The following GKAP1 variants were observed in gnomAD, a reference collection of about 807,000 sequenced individuals.
The protein encoded by GKAP1 is G kinase anchoring protein 1, also known as G kinase-anchoring protein 1.
GKAP1 carries 31 observed loss-of-function variants against 56.7 expected under a neutral mutation model. The observed-to-expected ratio is 0.55, with a 90% CI of 0.41 to 0.74. The LOEUF (loss-of-function observed/expected upper bound fraction) is 0.74. GKAP1 is among the 30% of genes least tolerant of loss of function. The pLI is 0.00. For synonymous variants in GKAP1, 151 were observed against 138.6 expected, an observed-to-expected ratio of 1.09 and a Z score of -0.63; for missense variants, 364 against 402.3, an observed-to-expected ratio of 0.90 and a Z score of 0.82.
At chr9:83,790,146 A>G (rs1191714699) in intron 4 of GKAP1, among the ~76,000 whole-genome samples, 1 of 152,226 alleles carries the variant, frequency 6.6e-6, no homozygotes, top group Non-Finnish European at 1.5e-5. Flanking sequence ...AGAGAGGAAA[A>G]AAAGATTAAG....
At chr9:83,772,492 A>C (rs1052572524) in intron 7 of GKAP1, among the ~76,000 whole-genome samples, 3 of 152,226 alleles carry the variant, frequency 2.0e-5, no homozygotes, top group African/African-American at 7.2e-5. Flanking sequence ...TGTGTTAGGC[A>C]AAGATTTATT....
chr9:83,793,324 A>C lies in GKAP1; in HGVS notation c.361-4646T>G, dbSNP rs142757053. Among the ~76,000 whole-genome samples, 471 of 152,332 alleles carry C rather than the reference A, an allele frequency of 3.1e-3. 8 individuals carry two copies. The highest frequency in any genetic ancestry group is 0.011 in the African/African-American group (449 of 41,586). ...CAGCCAACTGATTGGACTTAATAGCAGTGGTGCATAGTGGTCCCCTAACCC... is the reference window on the plus strand; with the variant it reads ...CAGCCAACTGATTGGACTTAATAGCCGTGGTGCATAGTGGTCCCCTAACCC... On this transcript the variant is annotated intron_variant, in intron 4 of 12. Coordinates refer to ENST00000376371, the MANE Select transcript of GKAP1 (RefSeq NM_025211.4).
At chr9:83,744,610 TTTTTCATGTGTCACTG>T (rs1943260739) in intron 10 of GKAP1, among the ~76,000 whole-genome samples, 1 of 152,254 alleles carries the variant, frequency 6.6e-6, no homozygotes, top group African/African-American at 2.4e-5. Flanking sequence ...TTCCCATCTT[TTTTTCATGTGTCACTG>T]ACAACGATTT....
chr9:83,745,075 T>G (rs1233775502), intron 10 of GKAP1, among the ~76,000 whole-genome samples: 1 of 152,166 alleles, frequency 6.6e-6, no homozygotes, highest in African/African-American at 2.4e-5. Flanking sequence ...TCTCACTCTG[T>G]TGCCCAGGCT....
Position 83,808,898 on chromosome 9 carries a change from T to A in GKAP1, c.-43-2338A>T, listed in dbSNP as rs1159263535. On this transcript the variant is annotated intron_variant, in intron 2 of 12. Coordinates refer to ENST00000376371, the MANE Select transcript of GKAP1 (RefSeq NM_025211.4). The stretch of plus-strand genomic sequence containing the variant: ...TTCAACATGTTCTCTTTTCCCTGCT[T>A]CTGCGATTGCAGAAGCATATAGTGA... Among the ~76,000 whole-genome samples, 4 of 152,238 alleles carry A rather than the reference T, an allele frequency of 2.6e-5. No homozygotes were observed. The East Asian group carries it at 7.7e-4, about 29-fold the overall frequency.
intron 3 of GKAP1, among the ~76,000 whole-genome samples, 185 bp downstream of exon 3, chr9:83,806,117 A>C (rs76181628): frequency 7.1e-6 from 1 of 141,152 alleles, no homozygotes; most frequent in African/African-American, 2.7e-5. Context: ...ACCCTGTCTC[A>C]AAAAAAAAAA....
chr9:83,800,826 G>A (rs969035134), intron 3 of GKAP1, among the ~76,000 whole-genome samples: 7 of 152,178 alleles, frequency 4.6e-5, no homozygotes, highest in Non-Finnish European at 7.3e-5. Context: ...CAGTCCAGCT[G>A]TTTCTGTACC....
intron 7 of GKAP1, among the ~76,000 whole-genome samples, chr9:83,779,513 A>G (rs1943926310): frequency 7.3e-6 from 1 of 137,870 alleles, no homozygotes; most frequent in Non-Finnish European, 1.6e-5. Flanking sequence ...ATATATGTGT[A>G]TATATATACA....
chr9:83,815,833 T>C (rs535316177), intron 2 of GKAP1, among the ~76,000 whole-genome samples: 1 of 152,130 alleles, frequency 6.6e-6, no homozygotes, highest in Admixed American at 6.5e-5. Context: ...AAAAATTGTG[T>C]TATTTCATGT....
At chr9:83,779,591 A>G (rs1943934607) in intron 7 of GKAP1, among the ~76,000 whole-genome samples, 1 of 120,442 alleles carries the variant, frequency 8.3e-6, no homozygotes, top group Non-Finnish European at 1.7e-5. Context: ...ATACACGTAT[A>G]TGTGTATATA....
chr9:83,775,736 G>A (rs1344731911), intron 7 of GKAP1, among the ~76,000 whole-genome samples: 4 of 151,482 alleles, frequency 2.6e-5, no homozygotes, highest in Admixed American at 6.6e-5. Flanking sequence ...TTAACTGGGC[G>A]TGGTGCTGGG....
intron 7 of GKAP1, among the ~76,000 whole-genome samples, chr9:83,779,503 A>G (rs1370197999): frequency 1.5e-5 from 2 of 137,288 alleles, no homozygotes; most frequent in South Asian, 2.3e-4. Flanking sequence ...ACATATACAC[A>G]TATATGTGTA....
intron 7 of GKAP1, 26 bp from the exon 8 acceptor site, chr9:83,768,996 T>C (rs375837744): frequency 2.3e-5 from 37 of 1,592,602 alleles, no homozygotes; most frequent in Non-Finnish European, 3.1e-5. Context: ...TACGATTTAC[T>C]ATCATTCAAC....
chr9:83,790,488 A>G (rs1944136159), intron 4 of GKAP1, among the ~76,000 whole-genome samples: 1 of 152,196 alleles, frequency 6.6e-6, no homozygotes, highest in African/African-American at 2.4e-5. Flanking sequence ...CTAACAGAAA[A>G]ATTAACAAAA....
chr9:83,758,010 G>A (rs984639925), intron 8 of GKAP1, among the ~76,000 whole-genome samples: 4 of 152,044 alleles, frequency 2.6e-5, no homozygotes, highest in East Asian at 3.9e-4. Flanking sequence ...GGAATATGCC[G>A]CAAGGGTAAT....
intron 9 of GKAP1, 43 bp from the exon 10 acceptor site, chr9:83,748,415 T>A: frequency 8.9e-7 from 1 of 1,123,604 alleles, no homozygotes; most frequent in Non-Finnish European, 1.3e-6. Context: ...TAAAAGTAAG[T>A]GATATAATTA....
At position 83,768,866 on chromosome 9, in the gene GKAP1, A is replaced by C. The variant is rs1234626336; in HGVS notation, c.690T>G (p.Leu230=). ...AATTATCTGTTCCATTATATTCTGT[A>C]AGCTGTTCTCTTCGTTTTTCTCTAA... ...ILIREKRREQ[L]TEYNGTDNCT... The change falls in exon 8 of 13, where the codon CTT becomes CTG. Residue 230 remains leucine (L), a synonymous_variant. Transcript: ENST00000376371. 19 of 1,612,532 alleles carry C rather than the reference A, an allele frequency of 1.2e-5. No homozygotes were observed. Among genetic ancestry groups the C allele is most frequent in the Non-Finnish European group, 1.4e-5 (17 of 1,179,414 alleles).
At chr9:83,770,858 C>T (rs757254325) in intron 7 of GKAP1, among the ~76,000 whole-genome samples, 3 of 151,986 alleles carry the variant, frequency 2.0e-5, no homozygotes, top group Non-Finnish European at 4.4e-5. Flanking sequence ...CTGCGTCCGG[C>T]GTTACATTAC....
intron 6 of GKAP1, among the ~76,000 whole-genome samples, chr9:83,781,401 A>G (rs1943969342): frequency 6.6e-6 from 1 of 152,192 alleles, no homozygotes; most frequent in Non-Finnish European, 1.5e-5. Flanking sequence ...TTCTTATTTA[A>G]AGTAGATGAT....
Sources: gnomAD v4.1 joint callset for allele counts (sites outside exome capture counted in the v4.1 genomes callset) on GRCh38, gnomAD v4.1.1 for gene constraint, MANE v1.5 for transcripts, NCBI Gene and HGNC (gene_info 2026-07-23, HGNC 2026-07-21) for gene names.